AFF3: variants seen among roughly 807,000 people sequenced by gnomAD.
AFF3 encodes ALF transcription elongation factor 3.
AFF3 carries 32 observed loss-of-function variants against 129.7 expected under a neutral mutation model. That is an observed-to-expected ratio of 0.25 (90% CI 0.19 to 0.33). The LOEUF (loss-of-function observed/expected upper bound fraction) is 0.33, where lower values mean the gene tolerates loss of function less well. AFF3 is among the 10% of genes least tolerant of loss of function. The pLI is 1.00. For synonymous variants in AFF3, 644 were observed against 635.4 expected (o/e 1.01, Z -0.20); for missense variants, 1,373 against 1,592.0 (o/e 0.86, Z 2.34).
intron 7 of AFF3, among the ~76,000 whole-genome samples, chr2:99,874,706 T>G (rs1692153097): frequency 6.6e-6 from 1 of 152,172 alleles, no homozygotes. Flanking sequence ...ACAAGAATCT[T>G]CATTAAGAAA....
chr2:100,102,382 T>C (rs1182215450), intron 4 of AFF3, among the ~76,000 whole-genome samples: 1 of 152,044 alleles, frequency 6.6e-6, no homozygotes, highest in Non-Finnish European at 1.5e-5. Flanking sequence ...TCCTAGTATA[T>C]TGTGATCAAG....
chr2:99,878,038 T>C (rs561236039), intron 7 of AFF3, among the ~76,000 whole-genome samples: 1 of 152,294 alleles, frequency 6.6e-6, no homozygotes, highest in Admixed American at 6.5e-5. Context: ...CAGCTTACCT[T>C]GATTAGTAAT....
chr2:99,648,825 T>C (rs1469810870), intron 13 of AFF3, among the ~76,000 whole-genome samples: 1 of 151,024 alleles, frequency 6.6e-6, no homozygotes, highest in East Asian at 2.0e-4. Context: ...CTGCTTCTAA[T>C]GCTGTGGAGA....
chr2:100,135,554 G>C (rs1457076885), intron 1 of AFF3, among the ~76,000 whole-genome samples: 1 of 152,200 alleles, frequency 6.6e-6, no homozygotes, highest in African/African-American at 2.4e-5. Context: ...GGAGCTCCAA[G>C]GCACCAGACG....
At chr2:99,993,893 C>A (rs1171521724) in intron 7 of AFF3, among the ~76,000 whole-genome samples, 1 of 142,864 alleles carries the variant, frequency 7.0e-6, no homozygotes, top group South Asian at 2.3e-4. Flanking sequence ...GCAACCTCCA[C>A]CTCCTGGGTT....
chr2:100,075,017 T>C (rs1296599681), intron 4 of AFF3, among the ~76,000 whole-genome samples: 1 of 152,154 alleles, frequency 6.6e-6, no homozygotes, highest in African/African-American at 2.4e-5. Flanking sequence ...AGCATGTACT[T>C]AGATGACAAT....
chr2:99,653,289 A>G (rs1685444143), intron 12 of AFF3, among the ~76,000 whole-genome samples: 1 of 152,238 alleles, frequency 6.6e-6, no homozygotes. Context: ...GCCATGAGAG[A>G]CTGGCTCCTC....
intron 8 of AFF3, among the ~76,000 whole-genome samples, chr2:99,777,515 T>C (rs1683996418): frequency 6.6e-6 from 1 of 152,114 alleles, no homozygotes. Context: ...GTCTTTGGGC[T>C]TTTCTCAAAG....
intron 7 of AFF3, among the ~76,000 whole-genome samples, chr2:99,943,045 C>T (rs549645214): frequency 6.6e-6 from 1 of 152,108 alleles, no homozygotes; most frequent in African/African-American, 2.4e-5. Context: ...TGAATAAGAC[C>T]CAGGCTGCTT....
At chr2:99,729,937 G>A (rs568661089) in intron 10 of AFF3, among the ~76,000 whole-genome samples, 9 of 151,966 alleles carry the variant, frequency 5.9e-5, no homozygotes, top group East Asian at 1.9e-4. Context: ...TTTTACATGC[G>A]GAAATACAAT....
At chr2:99,973,487 C>A (rs920387320) in intron 7 of AFF3, among the ~76,000 whole-genome samples, 1 of 152,180 alleles carries the variant, frequency 6.6e-6, no homozygotes, top group Non-Finnish European at 1.5e-5. Context: ...ATTCAGATTA[C>A]CCCTAAGACA....
intron 4 of AFF3, among the ~76,000 whole-genome samples, chr2:100,082,970 C>T (rs2105364252): frequency 6.6e-6 from 1 of 152,258 alleles, no homozygotes; most frequent in South Asian, 2.1e-4. Context: ...ATCCCAGCTA[C>T]TCAGGAGGCT....
chr2:99,707,564 G>GAA (rs11413976), intron 11 of AFF3: 101 of 973,730 alleles, frequency 1.0e-4, no homozygotes, highest in South Asian at 6.2e-4. Flanking sequence ...GTATCTCGCT[G>GAA]AAAAAAAAAT....
chr2:99,685,054 T>A (rs1381355888), intron 11 of AFF3, among the ~76,000 whole-genome samples: 2 of 152,018 alleles, frequency 1.3e-5, no homozygotes, highest in Non-Finnish European at 2.9e-5. Flanking sequence ...CTCTCGTGCT[T>A]CAGCCTCCCA....
At chr2:100,050,821 C>T (rs549051353) in intron 4 of AFF3, among the ~76,000 whole-genome samples, 1 of 152,312 alleles carries the variant, frequency 6.6e-6, no homozygotes, top group East Asian at 1.9e-4. Flanking sequence ...ACTGATGCAC[C>T]AATTTCCATG....
At chr2:99,707,004 TCAGCAGA>T in intron 11 of AFF3, 1 of 721,340 alleles carries the variant, frequency 1.4e-6, no homozygotes, top group African/African-American at 1.9e-5. Context: ...ATTTGCATAT[TCAGCAGA>T]CAGCACAAGC....
At chr2:99,651,805 T>A (rs1481109950) in intron 12 of AFF3, among the ~76,000 whole-genome samples, 1 of 152,068 alleles carries the variant, frequency 6.6e-6, no homozygotes. Context: ...CACATTTAGA[T>A]ATCAGGAAAA....
At chr2:99,903,543 A>G (rs993094817) in intron 7 of AFF3, among the ~76,000 whole-genome samples, 4 of 152,202 alleles carry the variant, frequency 2.6e-5, no homozygotes, top group Admixed American at 2.6e-4. Flanking sequence ...AGTTCAAGAA[A>G]TTGGAATATC....
At chr2:99,928,437 A>T (rs148028767) in intron 7 of AFF3, among the ~76,000 whole-genome samples, 1 of 152,230 alleles carries the variant, frequency 6.6e-6, no homozygotes, top group Non-Finnish European at 1.5e-5. Flanking sequence ...AGACAACTAC[A>T]AGGGAAAGCT....
Sources: gnomAD v4.1 joint callset for allele counts (sites outside exome capture counted in the v4.1 genomes callset) on GRCh38, gnomAD v4.1.1 for gene constraint, MANE v1.5 for transcripts, NCBI Gene and HGNC (gene_info 2026-07-23, HGNC 2026-07-21) for gene names.